Variants in LAMB4 observed in about 807,000 individuals in gnomAD.
LAMB4 encodes the protein laminin subunit beta-4.
A neutral mutation model predicts 199.2 loss-of-function variants in LAMB4; 196 were observed. That is an observed-to-expected ratio of 0.98 (90% CI 0.88 to 1.11). The LOEUF (loss-of-function observed/expected upper bound fraction) is 1.11, where lower values mean the gene tolerates loss of function less well. Among genes scored for constraint, LAMB4 ranks in the 50% least tolerant of loss-of-function variants. LAMB4 has a pLI of 0.00. For missense variants in LAMB4, 2,080 were observed against 2,171.2 expected (o/e 0.96, Z 0.83); for synonymous variants, 744 against 770.6 (o/e 0.97, Z 0.57).
Position 108,024,057 on chromosome 7 carries a change from A to G in LAMB4, c.5268T>C (p.Tyr1756=). ...ACTCTGCCTAGCTATAGCACCTAGC[A>G]TATTTTTTTTCTTGTTCAACAATTT... ...KNEIVEQEKK[Y]ARCYS The change falls in exon 34 of 34, where the codon TAT becomes TAC. Residue 1756 remains tyrosine (Y), a synonymous_variant. Transcript: ENST00000388781. 6.2e-7 allele frequency: 1 copy of G among 1,609,328 alleles called. No individual in the cohort carries two copies. The highest frequency in any genetic ancestry group is 8.5e-7 in the Non-Finnish European group (1 of 1,178,584).
At chr7:108,103,834 A>G (rs1395021676) in intron 9 of LAMB4, among the ~76,000 whole-genome samples, 1 of 152,202 alleles carries the variant, frequency 6.6e-6, no homozygotes, top group Non-Finnish European at 1.5e-5. Flanking sequence ...GTCAGGCTGC[A>G]TATTCCCCGG....
chr7:108,040,929 T>C (rs1447065449), intron 29 of LAMB4, among the ~76,000 whole-genome samples: 1 of 152,134 alleles, frequency 6.6e-6, no homozygotes, highest in Non-Finnish European at 1.5e-5. Context: ...TTAAAGAGCT[T>C]CTGCTCAGCA....
rs913171398 is a variant in LAMB4, at chr7:108,058,653, C to CCTTTT, written c.3283-730_3283-726dup. Among the ~76,000 whole-genome samples, 49 of 152,080 alleles carry CCTTTT rather than the reference C, an allele frequency of 3.2e-4. 1 individual carries two copies. Among genetic ancestry groups the CCTTTT allele is most frequent in the African/African-American group, 1.2e-3 (48 of 41,508 alleles). On this transcript the variant is annotated intron_variant, in intron 23 of 33. Transcript: ENST00000388781. ...GTGACTGGATCTGCCACTTTTCTTT[C>CCTTTT]CTTTTCTTTTCTTTTATTTTGAGAC...
chr7:108,115,874 T>C, intron 3 of LAMB4, 130 bp downstream of exon 3: 2 of 980,256 alleles, frequency 2.0e-6, no homozygotes, highest in Non-Finnish European at 3.0e-6. Context: ...GAGGGACAAC[T>C]GCACCAGTGT....
At chr7:108,018,477 T>C in the LAMB4 span, among the ~76,000 whole-genome samples, 59 of 152,288 alleles carry the variant, frequency 3.9e-4, 1 homozygote, top group East Asian at 7.7e-3. Context: ...CGGTGTCTCA[T>C]GCCTGTAGTC....
Position 108,094,294 on chromosome 7 carries a change from C to CT in LAMB4, c.1470+933dup, listed in dbSNP as rs564071505. ...GTTGATCCTGTAACCAACTGTGCTC[C>CT]TTTTTTTGTGTTACACACTTATGGT... On this transcript the variant is annotated intron_variant, in intron 12 of 33. Coordinates refer to ENST00000388781, the MANE Select transcript of LAMB4 (RefSeq NM_007356.3). 5.3e-5 allele frequency among the ~76,000 whole-genome samples: 8 copies of CT among 152,300 alleles called. No individual in the cohort carries two copies. The South Asian group carries it at 1.2e-3, about 24-fold the overall frequency.
chr7:108,105,149 T>C (rs1435842722), intron 8 of LAMB4, among the ~76,000 whole-genome samples: 1 of 152,136 alleles, frequency 6.6e-6, no homozygotes, highest in Non-Finnish European at 1.5e-5. Context: ...TTGTATAATT[T>C]TGCCTAATAA....
the LAMB4 span, among the ~76,000 whole-genome samples, chr7:108,014,858 G>T: frequency 6.6e-6 from 1 of 152,058 alleles, no homozygotes; most frequent in South Asian, 2.1e-4. Context: ...GAGTAGCTGG[G>T]ACCACTGGCG....
intron 18 of LAMB4, 124 bp downstream of exon 18, chr7:108,069,584 T>A (rs2036460392): frequency 1.2e-6 from 1 of 801,942 alleles, no homozygotes; most frequent in Admixed American, 2.4e-5. Context: ...TCTGTGTATC[T>A]AATCATTGAG....
intron 23 of LAMB4, among the ~76,000 whole-genome samples, chr7:108,061,739 CAAAAAAAAAA>C (rs60564725): frequency 1.3e-5 from 1 of 74,350 alleles, no homozygotes; most frequent in South Asian, 5.1e-4. Flanking sequence ...ACTCTTGTCT[CAAAAAAAAAA>C]AAAAAAAAAA....
intron 1 of LAMB4, among the ~76,000 whole-genome samples, chr7:108,129,351 A>G (rs2038902570): frequency 6.6e-6 from 1 of 152,232 alleles, no homozygotes. Flanking sequence ...ATACATTTAT[A>G]TTAGCCCTTA....
intron 14 of LAMB4, among the ~76,000 whole-genome samples, chr7:108,082,899 A>G (rs551577897): frequency 6.6e-6 from 1 of 152,274 alleles, no homozygotes; most frequent in Admixed American, 6.5e-5. Context: ...TTCTGCAGTC[A>G]TTGGATGGAT....
intron 10 of LAMB4, among the ~76,000 whole-genome samples, chr7:108,101,195 G>T (rs935973517): frequency 7.2e-5 from 11 of 152,064 alleles, no homozygotes; most frequent in African/African-American, 2.7e-4. Flanking sequence ...CATGGATGCT[G>T]GTATCCTGAA....
intron 14 of LAMB4, among the ~76,000 whole-genome samples, chr7:108,088,998 C>T (rs990780928): frequency 2.6e-5 from 4 of 152,196 alleles, no homozygotes; most frequent in African/African-American, 4.8e-5. Context: ...CTATGGAATA[C>T]AGGCCATACA....
In LAMB4 at chr7:108,037,434, C is replaced by T; in HGVS notation, c.4633G>A (p.Glu1545Lys). The change falls in exon 30 of 34, where the codon GAA becomes AAA. Residue 1545 changes from glutamate (E) to lysine (K), a missense_variant. Physicochemically the swap from Glu to Lys is moderately conservative, Grantham distance 56. Transcript: ENST00000388781. ...AAAAGCTTTTGGGCTCCATCTGCTT[C>T]TTCATTTAACCTGTTTTCATCTGTC... The part of the protein sequence containing the change: ...YRTDENRLNE[E>K]ADGAQKLLVK... 6.2e-7 allele frequency: 1 copy of T among 1,614,218 alleles called. No individual in the cohort carries two copies. Among genetic ancestry groups the T allele is most frequent in the Admixed American group, 1.7e-5 (1 of 60,016 alleles).
At chr7:108,079,883 C>T (rs1478760490) in intron 14 of LAMB4, 97 bp from the exon 15 acceptor site, 22 of 836,862 alleles carry the variant, frequency 2.6e-5, no homozygotes, top group Non-Finnish European at 3.8e-5. Context: ...CCTGTATTTC[C>T]TGGTGTGTAT....
intron 19 of LAMB4, among the ~76,000 whole-genome samples, chr7:108,067,660 G>T (rs776978715): frequency 2.6e-5 from 4 of 152,212 alleles, no homozygotes; most frequent in Non-Finnish European, 4.4e-5. Flanking sequence ...TCCAGCCACT[G>T]GGTTTGTGAG....
chr7:108,059,097 CTTTTTTTTTT>C lies in LAMB4; in HGVS notation c.3283-1179_3283-1170del, dbSNP rs57814646. On this transcript the variant is annotated intron_variant, in intron 23 of 33. Coordinates refer to ENST00000388781, the MANE Select transcript of LAMB4 (RefSeq NM_007356.3). The stretch of plus-strand genomic sequence containing the variant: ...TCTTATACCGAAGTACAATCTGCCA[CTTTTTTTTTT>C]TTTTTTTTTTTTTTTTGAGATGGAG... Among the ~76,000 whole-genome samples the C allele has an allele frequency of 1.2e-3, 129 of 107,872 alleles. 1 individual carries two copies. The highest frequency in any genetic ancestry group is 4.2e-3 in the African/African-American group (116 of 27,904). The allele number at this position is 107,872 out of a possible 152,430, so 70.8% of individuals were successfully genotyped here.
intron 1 of LAMB4, among the ~76,000 whole-genome samples, chr7:108,125,539 G>A (rs1447686684): frequency 6.6e-6 from 1 of 152,208 alleles, no homozygotes; most frequent in East Asian, 1.9e-4. Flanking sequence ...AATGATCTAG[G>A]CTCTGAGTTG....
Sources: allele counts gnomAD v4.1 joint callset (sites outside exome capture counted in the v4.1 genomes callset), GRCh38; gene constraint gnomAD v4.1.1; transcripts MANE v1.5; gene names NCBI Gene and HGNC (gene_info 2026-07-23, HGNC 2026-07-21).